The following HS3ST5 variants were observed in gnomAD, a reference collection of about 807,000 sequenced individuals.
HS3ST5 encodes the protein heparan sulfate-glucosamine 3-sulfotransferase 5, also known as heparan sulfate glucosamine 3-O-sulfotransferase 5.
In HS3ST5, 10 loss-of-function variants were observed where a neutral mutation model predicts 25.4. The observed-to-expected ratio is 0.39, with a 90% CI of 0.24 to 0.67. HS3ST5 has a LOEUF of 0.67. HS3ST5 is among the 30% of genes least tolerant of loss of function. HS3ST5 has a pLI of 0.44. For missense variants in HS3ST5, 324 were observed against 420.7 expected, an observed-to-expected ratio of 0.77 and a Z score of 2.01; for synonymous variants, 170 against 162.4, an observed-to-expected ratio of 1.05 and a Z score of -0.36.
chr6:114,255,269 C>T (rs991888739), intron 1 of HS3ST5, among the ~76,000 whole-genome samples: 1 of 152,240 alleles, frequency 6.6e-6, no homozygotes. Flanking sequence ...CCATGTTTCA[C>T]ATCCAGGTCA....
At chr6:114,313,329 A>T (rs564463829) in intron 1 of HS3ST5, among the ~76,000 whole-genome samples, 1 of 152,298 alleles carries the variant, frequency 6.6e-6, no homozygotes, top group East Asian at 1.9e-4. Flanking sequence ...CAGTAATTCC[A>T]GTCCTAGGCA....
chr6:114,291,054 C>A (rs1407289965), intron 1 of HS3ST5, among the ~76,000 whole-genome samples: 1 of 152,062 alleles, frequency 6.6e-6, no homozygotes. Context: ...TTTCTGTCCC[C>A]TGTCAAATGG....
chr6:114,167,429 C>T (rs1324004228), intron 3 of HS3ST5: 1 of 152,164 alleles, frequency 6.6e-6, no homozygotes, highest in Non-Finnish European at 1.5e-5. Flanking sequence ...GTGTCAGATA[C>T]TGTTCTAATC....
chr6:114,234,939 A>G (rs549956943), intron 1 of HS3ST5, among the ~76,000 whole-genome samples: 3 of 152,310 alleles, frequency 2.0e-5, no homozygotes, highest in East Asian at 3.9e-4. Flanking sequence ...CCTGGTCAAC[A>G]TGGTGAAACC....
chr6:114,156,034 C>T (rs903225988), intron 3 of HS3ST5, among the ~76,000 whole-genome samples: 16 of 152,320 alleles, frequency 1.1e-4, no homozygotes, highest in Admixed American at 4.6e-4. Flanking sequence ...AAACCAGAAC[C>T]GGTGTTTCTC....
At chr6:114,213,601 A>G (rs1330642714) in intron 2 of HS3ST5, among the ~76,000 whole-genome samples, 1 of 152,028 alleles carries the variant, frequency 6.6e-6, no homozygotes, top group Non-Finnish European at 1.5e-5. Flanking sequence ...TCTTTGTAAC[A>G]TTCCAATTTA....
chr6:114,068,934 A>G (rs1229501202), intron 3 of HS3ST5, among the ~76,000 whole-genome samples: 1 of 152,196 alleles, frequency 6.6e-6, no homozygotes, highest in African/African-American at 2.4e-5. Flanking sequence ...TAAATAACAG[A>G]GTATGTGGCC....
intron 2 of HS3ST5, among the ~76,000 whole-genome samples, chr6:114,173,836 G>C (rs1383729260): frequency 6.6e-6 from 1 of 152,066 alleles, no homozygotes; most frequent in Non-Finnish European, 1.5e-5. Flanking sequence ...TCCAGCCTGG[G>C]CAACAGAGCA....
chr6:114,212,071 C>T (rs1781531468), intron 2 of HS3ST5, among the ~76,000 whole-genome samples: 1 of 152,160 alleles, frequency 6.6e-6, no homozygotes, highest in South Asian at 2.1e-4. Flanking sequence ...TCTCCTGGAT[C>T]CCCGATTAAA....
intron 3 of HS3ST5, among the ~76,000 whole-genome samples, chr6:114,078,476 C>T (rs1042105980): frequency 5.9e-5 from 9 of 152,278 alleles, no homozygotes; most frequent in South Asian, 4.1e-4. Context: ...GGATTACAGG[C>T]GTGAGCCACC....
At chr6:114,175,613 G>T (rs1389954274) in intron 2 of HS3ST5, among the ~76,000 whole-genome samples, 4 of 152,162 alleles carry the variant, frequency 2.6e-5, no homozygotes, top group Admixed American at 6.6e-5. Context: ...TCAGGTAGGG[G>T]AGGGCACGTG....
chr6:114,250,284 T>TA (rs1772591823), intron 1 of HS3ST5, among the ~76,000 whole-genome samples: 1 of 152,096 alleles, frequency 6.6e-6, no homozygotes, highest in African/African-American at 2.4e-5. Context: ...AAAGAGATTT[T>TA]AAAAAAATTA....
intron 1 of HS3ST5, among the ~76,000 whole-genome samples, chr6:114,276,333 G>A (rs1773851803): frequency 1.3e-5 from 2 of 151,844 alleles, no homozygotes; most frequent in Admixed American, 6.6e-5. Flanking sequence ...ACCTTGCTCT[G>A]AATGTGCTTA....
chr6:114,313,578 A>G (rs1775625541), intron 1 of HS3ST5, among the ~76,000 whole-genome samples: 1 of 152,234 alleles, frequency 6.6e-6, no homozygotes, highest in African/African-American at 2.4e-5. Flanking sequence ...AATTTCATTT[A>G]GAAATGACGT....
chr6:114,266,235 C>G (rs1468169607), intron 1 of HS3ST5, among the ~76,000 whole-genome samples: 1 of 152,168 alleles, frequency 6.6e-6, no homozygotes, highest in Non-Finnish European at 1.5e-5. Flanking sequence ...ATCATAAACT[C>G]AATGATGAAA....
intron 3 of HS3ST5, among the ~76,000 whole-genome samples, chr6:114,134,004 C>T (rs750230925): frequency 2.6e-5 from 4 of 151,350 alleles, no homozygotes; most frequent in Non-Finnish European, 4.4e-5. Context: ...GAGAGGGCGG[C>T]GGGGAGCGGT....
At chr6:114,257,197 A>G (rs988550150) in intron 1 of HS3ST5, among the ~76,000 whole-genome samples, 1 of 152,228 alleles carries the variant, frequency 6.6e-6, no homozygotes, top group African/African-American at 2.4e-5. Context: ...CTGCCAAAGT[A>G]TATCAGCAGT....
intron 2 of HS3ST5, among the ~76,000 whole-genome samples, chr6:114,220,224 C>A (rs548250699): frequency 3.8e-4 from 58 of 152,082 alleles, no homozygotes; most frequent in Non-Finnish European, 7.1e-4. Context: ...TTATAAGCAC[C>A]AAATGCATAA....
chr6:114,285,601 A>C (rs1319023178), intron 1 of HS3ST5, among the ~76,000 whole-genome samples: 1 of 151,830 alleles, frequency 6.6e-6, no homozygotes, highest in Non-Finnish European at 1.5e-5. Flanking sequence ...GCATGATTCC[A>C]CTCATATGAG....
Sources: allele counts gnomAD v4.1 joint callset (sites outside exome capture counted in the v4.1 genomes callset), GRCh38; gene constraint gnomAD v4.1.1; transcripts MANE v1.5; gene names NCBI Gene and HGNC (gene_info 2026-07-23, HGNC 2026-07-21).